Variants in HUNK observed in about 807,000 individuals in gnomAD.
HUNK encodes hormonally up-regulated Neu-associated kinase.
In HUNK, 21 loss-of-function variants were observed where a neutral mutation model predicts 61.0. The observed-to-expected ratio is 0.34, with a 90% CI of 0.24 to 0.50. The LOEUF is 0.50. HUNK is among the 20% of genes least tolerant of loss of function. HUNK has a pLI of 0.98. For missense variants in HUNK, 772 were observed against 945.7 expected, an observed-to-expected ratio of 0.82 and a Z score of 2.41; for synonymous variants, 371 against 386.1, an observed-to-expected ratio of 0.96 and a Z score of 0.46.
At position 31,983,474 on chromosome 21, in the gene HUNK, G is replaced by A. The variant is rs529531379; in HGVS notation, c.1174-52G>A. On this transcript the variant is annotated intron_variant, in intron 7 of 10. Coordinates refer to ENST00000270112, the MANE Select transcript of HUNK (RefSeq NM_014586.2). ...TTAAAAATTAATGACTGCTTAATGGGCATTTCTATTTCTGAGAGTTGAGCT... is the reference window on the plus strand; with the variant it reads ...TTAAAAATTAATGACTGCTTAATGGACATTTCTATTTCTGAGAGTTGAGCT... 1.9e-5 allele frequency: 26 copies of A among 1,374,102 alleles called. No individual in the cohort carries two copies. The East Asian group carries it at 3.2e-4, about 17-fold the overall frequency. 85.1% of individuals were successfully genotyped at this position (1,374,102 alleles called of 1,614,324 possible).
At chr21:31,976,001 C>T (rs142976904) in intron 7 of HUNK, among the ~76,000 whole-genome samples, 5 of 152,192 alleles carry the variant, frequency 3.3e-5, no homozygotes, top group African/African-American at 1.2e-4. Flanking sequence ...GATTGTGCTT[C>T]CATTGTGCTT....
At chr21:31,994,782 G>A (rs1227836557) in intron 9 of HUNK, among the ~76,000 whole-genome samples, 2 of 152,204 alleles carry the variant, frequency 1.3e-5, no homozygotes, top group Admixed American at 1.3e-4. Context: ...CTGTGGACTT[G>A]AAGATACATA....
At chr21:31,974,375 T>C (rs1159928725) in intron 6 of HUNK, 180 bp from the exon 7 acceptor site, 4 of 498,940 alleles carry the variant, frequency 8.0e-6, no homozygotes, top group African/African-American at 7.8e-5. Context: ...TAGATGATGG[T>C]ATACATAAAG....
At chr21:31,904,624 G>A (rs993092519) in intron 1 of HUNK, among the ~76,000 whole-genome samples, 1 of 152,108 alleles carries the variant, frequency 6.6e-6, no homozygotes. Flanking sequence ...CTTCCTCTCC[G>A]GAGTTTCCGT....
intron 1 of HUNK, among the ~76,000 whole-genome samples, chr21:31,875,084 G>A (rs1179020925): frequency 6.6e-6 from 1 of 152,174 alleles, no homozygotes; most frequent in Non-Finnish European, 1.5e-5. Context: ...TGTGGTCCGT[G>A]GGTCAGGGAG....
Position 31,875,389 on chromosome 21 carries a change from C to T in HUNK, c.261+1454C>T, listed in dbSNP as rs115930070. 9.4e-3 allele frequency among the ~76,000 whole-genome samples: 1,427 copies of T among 152,270 alleles called. 25 individuals carry two copies. Among genetic ancestry groups the T allele is most frequent in the African/African-American group, 0.032 (1,315 of 41,540 alleles). On this transcript the variant is annotated intron_variant, in intron 1 of 10. Transcript: ENST00000270112. Reference sequence around the variant, plus strand: ...CCTACAGCCGTTTTGAGTGAGGCACCGCTTTATTATGGGTATGTGGGGATA... The same window carrying T: ...CCTACAGCCGTTTTGAGTGAGGCACTGCTTTATTATGGGTATGTGGGGATA...
intron 2 of HUNK, among the ~76,000 whole-genome samples, chr21:31,932,111 A>G (rs1177753310): frequency 6.6e-6 from 1 of 152,114 alleles, no homozygotes; most frequent in Non-Finnish European, 1.5e-5. Context: ...ATACGTGCAC[A>G]TAGTCACATG....
intron 4 of HUNK, among the ~76,000 whole-genome samples, chr21:31,949,659 CTT>C (rs946794312): frequency 2.0e-5 from 3 of 152,266 alleles, no homozygotes; most frequent in Non-Finnish European, 4.4e-5. Flanking sequence ...CTTAGTCTGT[CTT>C]TTGTTGCTGC....
intron 4 of HUNK, among the ~76,000 whole-genome samples, chr21:31,953,453 C>T (rs187999386): frequency 2.6e-5 from 4 of 152,270 alleles, no homozygotes; most frequent in East Asian, 3.9e-4. Context: ...AGGCTGGTGT[C>T]GAACTTCTGA....
At chr21:31,964,074 G>A (rs2052947195) in intron 5 of HUNK, among the ~76,000 whole-genome samples, 1 of 152,158 alleles carries the variant, frequency 6.6e-6, no homozygotes, top group African/African-American at 2.4e-5. Flanking sequence ...TGGCTGAGCA[G>A]TTTTTCAGAC....
chr21:31,889,836 G>GA (rs1231798216), intron 1 of HUNK, among the ~76,000 whole-genome samples: 1 of 152,156 alleles, frequency 6.6e-6, no homozygotes, highest in East Asian at 1.9e-4. Flanking sequence ...AAGTACCTGA[G>GA]AATGTGCGGG....
chr21:31,929,144 A>C (rs2052680455), intron 2 of HUNK, among the ~76,000 whole-genome samples: 1 of 152,206 alleles, frequency 6.6e-6, no homozygotes, highest in African/African-American at 2.4e-5. Flanking sequence ...TAATGCTAGC[A>C]GAGCCCTCAT....
At chr21:31,903,875 A>G (rs2052486849) in intron 1 of HUNK, among the ~76,000 whole-genome samples, 1 of 152,238 alleles carries the variant, frequency 6.6e-6, no homozygotes, top group African/African-American at 2.4e-5. Context: ...TAATGGGATC[A>G]ACAGTATTGG....
chr21:31,925,793 A>G (rs1172271902), intron 2 of HUNK, among the ~76,000 whole-genome samples: 1 of 152,198 alleles, frequency 6.6e-6, no homozygotes, highest in African/African-American at 2.4e-5. Flanking sequence ...AATAAAATCA[A>G]ACAAATTTAA....
chr21:31,985,667 C>G (rs964522141), intron 8 of HUNK, among the ~76,000 whole-genome samples: 2 of 152,100 alleles, frequency 1.3e-5, no homozygotes, highest in Admixed American at 1.3e-4. Context: ...CAGTGGGGCC[C>G]GTGGGAACAG....
At chr21:31,874,716 G>A (rs939620482) in intron 1 of HUNK, among the ~76,000 whole-genome samples, 13 of 151,986 alleles carry the variant, frequency 8.6e-5, no homozygotes, top group African/African-American at 2.9e-4. Context: ...GGCAGGAACA[G>A]AACTACAGAT....
rs1007471554 is a variant in HUNK, at chr21:31,885,025, G to A, written c.261+11090G>A. ...ACTCCTGACCTGAGGTGATCCACCC[G>A]CCTCAGCCTCCCAAAGTGCTGGGAT... On this transcript the variant is annotated intron_variant, in intron 1 of 10. Coordinates refer to ENST00000270112, the MANE Select transcript of HUNK (RefSeq NM_014586.2). Among the ~76,000 whole-genome samples the A allele has an allele frequency of 1.3e-4, 20 of 152,158 alleles. No individual in the cohort carries two copies. In the East Asian group the frequency reaches 3.9e-3, roughly 30 times the overall value.
chr21:31,898,738 C>T (rs983029962), intron 1 of HUNK, among the ~76,000 whole-genome samples: 4 of 152,068 alleles, frequency 2.6e-5, no homozygotes, highest in Admixed American at 6.6e-5. Flanking sequence ...GTCCAAGCTT[C>T]TGGAAGTGTA....
chr21:31,996,048 A>G, intron 10 of HUNK, 100 bp downstream of exon 10: 8 of 872,894 alleles, frequency 9.2e-6, no homozygotes, highest in South Asian at 9.1e-5. Flanking sequence ...TAGAGCAGAG[A>G]TGATTCCTGT....
Sources: allele counts gnomAD v4.1 joint callset (sites outside exome capture counted in the v4.1 genomes callset), GRCh38; gene constraint gnomAD v4.1.1; transcripts MANE v1.5; gene names NCBI Gene and HGNC (gene_info 2026-07-23, HGNC 2026-07-21).